Variants in FHL5 observed in about 807,000 individuals in gnomAD.
FHL5 encodes four and a half LIM domains 5.
FHL5 carries 33 observed loss-of-function variants against 32.0 expected under a neutral mutation model. The ratio of observed to expected loss-of-function variants is 1.03; its 90% confidence interval spans 0.78 to 1.38. The LOEUF (loss-of-function observed/expected upper bound fraction) is 1.38, where lower values mean the gene tolerates loss of function less well. FHL5 is among the 40% of genes most tolerant of loss of function. FHL5 has a pLI of 0.00. For missense variants in FHL5, 336 were observed against 343.9 expected, an observed-to-expected ratio of 0.98 and a Z score of 0.18; for synonymous variants, 114 against 113.6, an observed-to-expected ratio of 1.00 and a Z score of -0.02.
intron 1 of FHL5, among the ~76,000 whole-genome samples, chr6:96,594,882 A>T (rs779915704): frequency 3.0e-4 from 45 of 151,976 alleles, no homozygotes; most frequent in Non-Finnish European, 5.7e-4. Flanking sequence ...CAGTTAATGT[A>T]TTCTTTTCCA....
chr6:96,565,957 G>T (rs928787726), intron 1 of FHL5, among the ~76,000 whole-genome samples: 24 of 151,666 alleles, frequency 1.6e-4, no homozygotes, highest in African/African-American at 5.8e-4. Flanking sequence ...ATCAAATCAG[G>T]GTAAATAGCA....
At chr6:96,564,399 G>A (rs1483804911) in intron 1 of FHL5, among the ~76,000 whole-genome samples, 1 of 152,138 alleles carries the variant, frequency 6.6e-6, no homozygotes, top group East Asian at 1.9e-4. Context: ...GTAAACTCTA[G>A]TGTCTGTTTT....
intron 1 of FHL5, among the ~76,000 whole-genome samples, chr6:96,594,978 C>A (rs1771006091): frequency 6.6e-6 from 1 of 151,844 alleles, no homozygotes; most frequent in Non-Finnish European, 1.5e-5. Flanking sequence ...TTTTTGAACC[C>A]CACAAATTAT....
Position 96,616,345 on chromosome 6 carries a change from C to T in FHL5, c.*573C>T, listed in dbSNP as rs548763813. 2.9e-4 allele frequency: 44 copies of T among 152,294 alleles called. No homozygotes were observed. Among genetic ancestry groups the T allele is most frequent in the African/African-American group, 1.1e-3 (44 of 41,558 alleles). 9.4% of individuals were successfully genotyped at this position (152,294 alleles called of 1,614,324 possible). Reference sequence around the variant, plus strand: ...AACAAAGCTACAATTTGCCCTCATACACACTGCTTCCACAGCTTGCTAGTT... The same window carrying T: ...AACAAAGCTACAATTTGCCCTCATATACACTGCTTCCACAGCTTGCTAGTT... On this transcript the variant is annotated 3_prime_UTR_variant, in exon 6 of 6. Transcript: ENST00000450218.
chr6:96,605,120 T>A (rs146597458), intron 3 of FHL5, among the ~76,000 whole-genome samples, 196 bp downstream of exon 3: 3 of 152,374 alleles, frequency 2.0e-5, no homozygotes, highest in African/African-American at 7.2e-5. Flanking sequence ...TAAATTACAG[T>A]GTTCTGTGTA....
chr6:96,580,830 AT>A lies in FHL5; in HGVS notation c.-13+17481del, dbSNP rs367670670. Among the ~76,000 whole-genome samples, 669 of 152,204 alleles carry A rather than the reference AT, an allele frequency of 4.4e-3. 4 individuals are homozygous for A. The highest frequency in any genetic ancestry group is 0.013 in the African/African-American group (522 of 41,536). On this transcript the variant is annotated intron_variant, in intron 1 of 5. Transcript: ENST00000450218. ...GAGTTGCTATTTAGGTAAATCATAG[AT>A]TTTTTAAAACTGCTTTATAGGCTCT...
At chr6:96,607,426 C>CAT (rs1771308013) in intron 4 of FHL5, among the ~76,000 whole-genome samples, 1 of 151,900 alleles carries the variant, frequency 6.6e-6, no homozygotes, top group Admixed American at 6.6e-5. Flanking sequence ...CACACACACA[C>CAT]GCAGTTAACT....
At chr6:96,575,873 A>T (rs1440137049) in intron 1 of FHL5, among the ~76,000 whole-genome samples, 2 of 152,230 alleles carry the variant, frequency 1.3e-5, no homozygotes, top group Non-Finnish European at 2.9e-5. Context: ...TAGTTGGCCA[A>T]AAAGAAAACA....
Position 96,603,709 on chromosome 6 carries a change from T to C in FHL5, c.96T>C (p.Cys32=). The change falls in exon 2 of 6, where the codon TGT becomes TGC. Residue 32 remains cysteine, a synonymous_variant. Transcript: ENST00000450218. ...ATGACAGTCCATACTGTGTTACATG[T>C]TATGATCGTGTATTTTCTAACTATT... ...LKDDSPYCVT[C]YDRVFSNYCE... is the part of the protein sequence containing the mutation. The C allele has an allele frequency of 6.2e-7, 1 of 1,612,448 alleles. No individual in the cohort carries two copies. The highest frequency in any genetic ancestry group is 1.7e-4 in the Middle Eastern group (1 of 6,052).
intron 1 of FHL5, among the ~76,000 whole-genome samples, chr6:96,582,477 A>G (rs1770714638): frequency 6.6e-6 from 1 of 152,168 alleles, no homozygotes; most frequent in Non-Finnish European, 1.5e-5. Flanking sequence ...TATTTCAGTA[A>G]TAGCTGCCAT....
At chr6:96,600,255 A>G (rs975238760) in intron 1 of FHL5, among the ~76,000 whole-genome samples, 1 of 152,222 alleles carries the variant, frequency 6.6e-6, no homozygotes, top group African/African-American at 2.4e-5. Flanking sequence ...TAAAAGCAAC[A>G]TCAGGGAGTT....
rs1562059744 is a variant in FHL5, at chr6:96,594,270, TA to T, written c.-12-9331del. Among the ~76,000 whole-genome samples, 173 of 87,840 alleles carry T rather than the reference TA, an allele frequency of 2.0e-3. 3 individuals carry two copies. Among genetic ancestry groups the T allele is most frequent in the African/African-American group, 5.2e-3 (139 of 26,710 alleles). 57.6% of individuals were successfully genotyped at this position (87,840 alleles called of 152,430 possible). ...ATATATATATATATATATATATATATATATGTATGTATGTATTTACTTCTTG... is the reference window on the plus strand; with the variant it reads ...ATATATATATATATATATATATATATTATGTATGTATGTATTTACTTCTTG... On this transcript the variant is annotated intron_variant, in intron 1 of 5. Coordinates refer to ENST00000450218, the MANE Select transcript of FHL5 (RefSeq NM_001322466.2).
intron 4 of FHL5, among the ~76,000 whole-genome samples, chr6:96,609,012 A>T (rs1328163412): frequency 6.6e-6 from 1 of 152,212 alleles, no homozygotes; most frequent in Non-Finnish European, 1.5e-5. Context: ...GCTGTAAGGC[A>T]TTGGAAGTCA....
intron 1 of FHL5, among the ~76,000 whole-genome samples, chr6:96,568,792 A>T (rs768597002): frequency 6.6e-6 from 1 of 151,600 alleles, no homozygotes; most frequent in Admixed American, 6.6e-5. Context: ...TTGTATTTCT[A>T]TGGTATTAGT....
intron 1 of FHL5, among the ~76,000 whole-genome samples, chr6:96,597,634 T>C (rs1771063487): frequency 6.6e-6 from 1 of 152,204 alleles, no homozygotes; most frequent in African/African-American, 2.4e-5. Context: ...GTCTTCCTTT[T>C]CAAATTTATC....
In FHL5 at chr6:96,615,002, G is replaced by A. The variant is rs547909787; in HGVS notation, c.692-607G>A. Among the ~76,000 whole-genome samples the A allele has an allele frequency of 2.1e-5, 3 of 145,990 alleles. No homozygotes were observed. In the South Asian group the frequency reaches 6.7e-4, roughly 32 times the overall value. On this transcript the variant is annotated intron_variant, in intron 5 of 5. Transcript: ENST00000450218. The stretch of plus-strand genomic sequence containing the variant: ...ATAAGGCCATCACGTTAGGATGGCT[G>A]AATGATTAGACAAAATCCTCTATTT...
intron 1 of FHL5, among the ~76,000 whole-genome samples, chr6:96,571,524 T>C (rs1770478376): frequency 6.6e-6 from 1 of 152,112 alleles, no homozygotes; most frequent in Non-Finnish European, 1.5e-5. Flanking sequence ...TTCAGCTCAG[T>C]ATCTCATAAA....
intron 1 of FHL5, among the ~76,000 whole-genome samples, chr6:96,589,175 C>T (rs886309221): frequency 3.3e-5 from 5 of 151,998 alleles, no homozygotes; most frequent in Non-Finnish European, 7.4e-5. Context: ...TGATTTGATT[C>T]TCTCTTCTCC....
At chr6:96,607,460 A>T (rs1256009728) in intron 4 of FHL5, among the ~76,000 whole-genome samples, 1 of 152,142 alleles carries the variant, frequency 6.6e-6, no homozygotes, top group East Asian at 1.9e-4. Context: ...AACCAATACC[A>T]CTACTGCATT....
Sources: allele counts gnomAD v4.1 joint callset (sites outside exome capture counted in the v4.1 genomes callset), GRCh38; gene constraint gnomAD v4.1.1; transcripts MANE v1.5; gene names NCBI Gene and HGNC (gene_info 2026-07-23, HGNC 2026-07-21).